SAMD4A: variants seen among roughly 807,000 people sequenced by gnomAD.
SAMD4A encodes the protein sterile alpha motif domain containing 4A, also known as protein Smaug homolog 1.
SAMD4A carries 33 observed loss-of-function variants against 81.3 expected under a neutral mutation model. The observed-to-expected ratio is 0.41, with a 90% CI of 0.31 to 0.54. The LOEUF (loss-of-function observed/expected upper bound fraction) is 0.54. Ranked by LOEUF, SAMD4A falls within the 20% of genes least tolerant of loss-of-function variation. The pLI is 0.37. For missense variants in SAMD4A, 854 were observed against 951.1 expected (o/e 0.90, Z 1.34); for synonymous variants, 389 against 382.1 (o/e 1.02, Z -0.21).
At chr14:54,782,825 T>G (rs539393355) in intron 11 of SAMD4A, among the ~76,000 whole-genome samples, 4 of 152,348 alleles carry the variant, frequency 2.6e-5, no homozygotes, top group Admixed American at 2.6e-4. Flanking sequence ...GACTTAACCA[T>G]TGGTTTCAGC....
chr14:54,734,503 A>G (rs1292887123), intron 3 of SAMD4A, among the ~76,000 whole-genome samples: 1 of 152,256 alleles, frequency 6.6e-6, no homozygotes, highest in Non-Finnish European at 1.5e-5. Flanking sequence ...GGCAGAGGCC[A>G]AGTTCATGTC....
At chr14:54,714,358 A>G (rs932165653) in intron 3 of SAMD4A, among the ~76,000 whole-genome samples, 6 of 152,252 alleles carry the variant, frequency 3.9e-5, no homozygotes, top group Admixed American at 6.5e-5. Context: ...AAGCAAAAAT[A>G]ATGAATATTT....
Position 54,772,826 on chromosome 14 carries a change from CAA to C in SAMD4A, c.1716-2097_1716-2096del, listed in dbSNP as rs35278828. ...GTTTTCGTCATTAAAAACAAACAAA[CAA>C]AAAAAAAAAACACTCGGCCCTTGTC... is the stretch of plus-strand genomic sequence containing the variant. On this transcript the variant is annotated intron_variant, in intron 9 of 12. Transcript: ENST00000554335. Among the ~76,000 whole-genome samples the C allele has an allele frequency of 3.2e-4, 47 of 145,830 alleles. No individual in the cohort carries two copies. The South Asian group carries it at 9.4e-3, about 29-fold the overall frequency.
At chr14:54,607,643 A>G (rs1448607814) in intron 2 of SAMD4A, among the ~76,000 whole-genome samples, 2 of 151,764 alleles carry the variant, frequency 1.3e-5, no homozygotes, top group South Asian at 2.1e-4. Context: ...TTTAGTAGAG[A>G]CAGGGTTTCA....
In SAMD4A at chr14:54,727,166, C is replaced by CTTTTTTTTTTTTTTTTTT. The variant is rs567831973; in HGVS notation, c.716-9834_716-9817dup. ...TTATCACAACAGCCTTCTTTTTTTCCTTTTTTTTTTTTTTTTTTTTTTTTT... is the reference window on the plus strand; with the variant it reads ...TTATCACAACAGCCTTCTTTTTTTCCTTTTTTTTTTTTTTTTTTTTTTTTTTTTTTTTTTTTTTTTTTT... On this transcript the variant is annotated intron_variant, in intron 3 of 12. Coordinates refer to ENST00000554335, the MANE Select transcript of SAMD4A (RefSeq NM_015589.6). Among the ~76,000 whole-genome samples, 18 of 59,186 alleles carry CTTTTTTTTTTTTTTTTTT rather than the reference C, an allele frequency of 3.0e-4. 3 individuals carry two copies. Among genetic ancestry groups the CTTTTTTTTTTTTTTTTTT allele is most frequent in the Non-Finnish European group, 4.0e-4 (12 of 29,780 alleles). 38.8% of individuals were successfully genotyped at this position (59,186 alleles called of 152,430 possible).
chr14:54,763,265 G>A (rs1477039529), intron 7 of SAMD4A, among the ~76,000 whole-genome samples: 3 of 151,510 alleles, frequency 2.0e-5, no homozygotes, highest in Non-Finnish European at 4.4e-5. Flanking sequence ...CTGTAATCCC[G>A]GCACTTTGGG....
rs1307752601 is a variant in SAMD4A, at chr14:54,760,344, G to T, written c.1360G>T (p.Ala454Ser). Reference sequence around the variant, plus strand: ...CCAGAGCCCCGACTGCAAAGATGGGGCCGCAGCCACTGGCGCCACGGCCAC... The same window carrying T: ...CCAGAGCCCCGACTGCAAAGATGGGTCCGCAGCCACTGGCGCCACGGCCAC... The part of the protein sequence containing the change: ...ESQSPDCKDG[A>S]AATGATATPS... The change falls in exon 7 of 13, where the codon GCC becomes TCC. Residue 454 changes from alanine (A) to serine (S), a missense_variant. Transcript: ENST00000554335. The T allele has an allele frequency of 3.8e-6, 6 of 1,591,938 alleles. No individual in the cohort carries two copies. The Admixed American group carries it at 8.7e-5, about 23-fold the overall frequency.
intron 2 of SAMD4A, among the ~76,000 whole-genome samples, chr14:54,637,627 G>A (rs995361555): frequency 1.3e-5 from 2 of 152,144 alleles, no homozygotes; most frequent in South Asian, 4.1e-4. Context: ...AAAGAGCCTC[G>A]TGGACACAGA....
chr14:54,692,641 G>T (rs2036469907), intron 2 of SAMD4A, among the ~76,000 whole-genome samples: 1 of 152,164 alleles, frequency 6.6e-6, no homozygotes, highest in Admixed American at 6.5e-5. Flanking sequence ...GGTTTTGGCA[G>T]TGGTGGTCTG....
chr14:54,711,029 A>G (rs901399306), intron 3 of SAMD4A, among the ~76,000 whole-genome samples: 4 of 152,182 alleles, frequency 2.6e-5, no homozygotes, highest in Non-Finnish European at 4.4e-5. Context: ...GGCAACCACT[A>G]TAATTCAATA....
intron 2 of SAMD4A, among the ~76,000 whole-genome samples, chr14:54,577,345 G>A (rs945868224): frequency 6.6e-6 from 1 of 152,268 alleles, no homozygotes; most frequent in African/African-American, 2.4e-5. Flanking sequence ...ATACCTGTGT[G>A]AAGCTGGGGG....
intron 2 of SAMD4A, among the ~76,000 whole-genome samples, chr14:54,600,873 A>G (rs1334942550): frequency 6.6e-6 from 1 of 152,198 alleles, no homozygotes; most frequent in Admixed American, 6.5e-5. Context: ...AAGAGCTAGC[A>G]TTTTATCGTA....
intron 2 of SAMD4A, among the ~76,000 whole-genome samples, chr14:54,570,272 CAT>C (rs1372370838): frequency 6.6e-6 from 1 of 152,134 alleles, no homozygotes; most frequent in Non-Finnish European, 1.5e-5. Context: ...CAGGAGTTGT[CAT>C]AGCATACCTG....
chr14:54,766,915 C>T (rs2038560514), intron 8 of SAMD4A, among the ~76,000 whole-genome samples: 2 of 152,254 alleles, frequency 1.3e-5, no homozygotes, highest in South Asian at 4.1e-4. Flanking sequence ...TCCTGCATGT[C>T]CTCCCTTGGT....
At chr14:54,739,074 T>TTTTTTTTTTTTG in intron 4 of SAMD4A, among the ~76,000 whole-genome samples, 1 of 148,648 alleles carries the variant, frequency 6.7e-6, no homozygotes. Context: ...TTTTTTTTTT[T>TTTTTTTTTTTTG]GAGGCCCTTA....
At chr14:54,700,198 C>T (rs139109099) in intron 2 of SAMD4A, among the ~76,000 whole-genome samples, 2 of 152,232 alleles carry the variant, frequency 1.3e-5, no homozygotes, top group East Asian at 1.9e-4. Context: ...AGTACTTGAC[C>T]AGCCCTTTTG....
chr14:54,579,323 A>G (rs1009802276), intron 2 of SAMD4A, among the ~76,000 whole-genome samples: 4 of 152,256 alleles, frequency 2.6e-5, no homozygotes, highest in African/African-American at 9.6e-5. Context: ...CCCACAAAGT[A>G]GATACTATCT....
intron 3 of SAMD4A, among the ~76,000 whole-genome samples, chr14:54,708,721 A>T (rs1167607132): frequency 6.6e-6 from 1 of 152,214 alleles, no homozygotes. Flanking sequence ...GAGAAGAGTG[A>T]TCAACTGAGT....
chr14:54,702,709 T>C, intron 3 of SAMD4A, 129 bp downstream of exon 3: 9 of 1,134,188 alleles, frequency 7.9e-6, no homozygotes, highest in Non-Finnish European at 1.1e-5. Flanking sequence ...TGGAATTGGC[T>C]GTGGGAAAGG....
Sources: gnomAD v4.1 joint callset for allele counts (sites outside exome capture counted in the v4.1 genomes callset) on GRCh38, gnomAD v4.1.1 for gene constraint, MANE v1.5 for transcripts, NCBI Gene and HGNC (gene_info 2026-07-23, HGNC 2026-07-21) for gene names.